The following ICA1 variants were observed in gnomAD, a reference collection of about 807,000 sequenced individuals.
ICA1 encodes 69 kDa islet cell autoantigen.
ICA1 carries 40 observed loss-of-function variants against 71.0 expected under a neutral mutation model. That is an observed-to-expected ratio of 0.56 (90% CI 0.44 to 0.73). The LOEUF is 0.73. Among genes scored for constraint, ICA1 ranks in the 30% least tolerant of loss-of-function variants. ICA1 has a pLI of 0.00. For synonymous variants in ICA1, 207 were observed against 209.5 expected (o/e 0.99, Z 0.10); for missense variants, 578 against 576.5 (o/e 1.00, Z -0.03).
At chr7:8,116,525 A>T (rs1784859177) in intron 13 of ICA1, 1 of 152,276 alleles carries the variant, frequency 6.6e-6, no homozygotes, top group Non-Finnish European at 1.5e-5. Context: ...AAAAGGTTAG[A>T]TTCTGAAAAG....
chr7:8,113,890 C>T lies in ICA1; in HGVS notation c.*33G>A, dbSNP rs200656973. 6.3e-5 allele frequency: 102 copies of T among 1,612,850 alleles called. No homozygotes were observed. Among genetic ancestry groups the T allele is most frequent in the African/African-American group, 4.5e-4 (34 of 75,030 alleles). ...TAGCCCCCAGGGGAGCTGCTGGGGG[C>T]GGCATGTGAGTGCCCTCCCGAAGGG... On this transcript the variant is annotated 3_prime_UTR_variant, in exon 14 of 14. Transcript: ENST00000402384. This position sits in a 1 kb window ranked among gnomAD's most constrained non-coding sequence, Gnocchi z 4.2.
chr7:8,118,584 C>G (rs998282624), intron 13 of ICA1, among the ~76,000 whole-genome samples: 1 of 152,082 alleles, frequency 6.6e-6, no homozygotes, highest in African/African-American at 2.4e-5. Context: ...AAAATTGGCC[C>G]CTGACCATTT....
At chr7:8,163,487 C>T (rs114698245) in intron 6 of ICA1, among the ~76,000 whole-genome samples, 2 of 152,126 alleles carry the variant, frequency 1.3e-5, no homozygotes, top group East Asian at 1.9e-4. Flanking sequence ...TGGTAGCAGT[C>T]GGCACAAATG....
chr7:8,172,941 T>C (rs747855103), intron 6 of ICA1, among the ~76,000 whole-genome samples: 2 of 152,226 alleles, frequency 1.3e-5, no homozygotes, highest in African/African-American at 4.8e-5. Context: ...TTTCATAGAT[T>C]GAGCTTCAAT....
chr7:8,206,241 C>T (rs1276502370), intron 6 of ICA1, among the ~76,000 whole-genome samples: 1 of 152,096 alleles, frequency 6.6e-6, no homozygotes, highest in Non-Finnish European at 1.5e-5. Flanking sequence ...TGGTGGATTT[C>T]CCTCAGGCAC....
intron 8 of ICA1, among the ~76,000 whole-genome samples, chr7:8,145,108 G>A (rs1234576820): frequency 6.6e-6 from 1 of 152,196 alleles, no homozygotes; most frequent in Non-Finnish European, 1.5e-5. Context: ...TCTCTGCACA[G>A]AGTAATTTTC....
intron 2 of ICA1, among the ~76,000 whole-genome samples, chr7:8,233,312 T>C (rs1800836502): frequency 6.6e-6 from 1 of 152,110 alleles, no homozygotes; most frequent in African/African-American, 2.4e-5. Flanking sequence ...GAGAAATTAC[T>C]ATTCAAGGTG....
At chr7:8,240,813 A>G (rs1331421120) in intron 1 of ICA1, among the ~76,000 whole-genome samples, 1 of 152,214 alleles carries the variant, frequency 6.6e-6, no homozygotes, top group South Asian at 2.1e-4. Context: ...AAGGGTAGGT[A>G]TCAGTGATTG....
intron 6 of ICA1, among the ~76,000 whole-genome samples, chr7:8,205,186 C>A (rs562421415): frequency 6.6e-6 from 1 of 152,026 alleles, no homozygotes; most frequent in Non-Finnish European, 1.5e-5. Flanking sequence ...AAAGCTTTAG[C>A]TGACATAGCT....
At chr7:8,153,914 G>T (rs1000867164) in intron 8 of ICA1, among the ~76,000 whole-genome samples, 2 of 149,240 alleles carry the variant, frequency 1.3e-5, no homozygotes, top group African/African-American at 4.9e-5. Context: ...ACAAGATCAG[G>T]GAATTGCTTT....
chr7:8,214,939 G>T (rs1794933516), intron 6 of ICA1, among the ~76,000 whole-genome samples: 1 of 152,182 alleles, frequency 6.6e-6, no homozygotes, highest in South Asian at 2.1e-4. Context: ...TTAAAGTGGT[G>T]CTACCACGGA....
In ICA1 at chr7:8,210,754, T is replaced by G. The variant is rs565064865; in HGVS notation, c.579+7551A>C. Among the ~76,000 whole-genome samples, 4 of 152,138 alleles carry G rather than the reference T, an allele frequency of 2.6e-5. No homozygotes were observed. In the South Asian group the frequency reaches 6.2e-4, roughly 24 times the overall value. On this transcript the variant is annotated intron_variant, in intron 6 of 13. Transcript: ENST00000402384. ...TTTTGAAACGGGGTCTCACTCTGTC[T>G]CCCAGGCTGGAGTACAGTGGCGTGA...
chr7:8,184,370 G>C (rs1274201789), intron 6 of ICA1, among the ~76,000 whole-genome samples: 3 of 152,168 alleles, frequency 2.0e-5, no homozygotes, highest in Non-Finnish European at 2.9e-5. Flanking sequence ...TGCTCCAGCT[G>C]TATCTTTTAT....
chr7:8,250,211 T>C (rs929344225), intron 1 of ICA1, among the ~76,000 whole-genome samples: 16 of 152,382 alleles, frequency 1.0e-4, no homozygotes, highest in African/African-American at 1.9e-4. Flanking sequence ...CTTCCTCTTA[T>C]GTCAATAATG....
chr7:8,129,935 C>T (rs963078932), intron 12 of ICA1, among the ~76,000 whole-genome samples: 51 of 131,352 alleles, frequency 3.9e-4, no homozygotes, highest in South Asian at 1.4e-3. Context: ...TTCCCACCTA[C>T]GAGATAGAAT....
rs948109338 is a variant in ICA1 at position 8,130,391 on chromosome 7, G to T, written c.1061-2249C>A. On this transcript the variant is annotated intron_variant, in intron 12 of 13. Coordinates refer to ENST00000402384, the MANE Select transcript of ICA1 (RefSeq NM_001136020.3). The surrounding 1 kb of genome is among the most constrained non-coding windows in gnomAD (Gnocchi z 4.2). ...AAGGAAAGCAACCTTCGCAGCTCAG[G>T]ATGTGTCCATCAACACCTGTATCTA... Among the ~76,000 whole-genome samples, 5 of 152,190 alleles carry T rather than the reference G, an allele frequency of 3.3e-5. No individual in the cohort carries two copies. Among genetic ancestry groups the T allele is most frequent in the African/African-American group, 1.2e-4 (5 of 41,442 alleles).
chr7:8,178,813 C>T (rs1368740132), intron 6 of ICA1, among the ~76,000 whole-genome samples: 3 of 152,076 alleles, frequency 2.0e-5, no homozygotes, highest in Non-Finnish European at 4.4e-5. Context: ...GATCCAGTAA[C>T]GCTTGGTGTC....
chr7:8,120,114 G>A (rs978155613), intron 13 of ICA1, among the ~76,000 whole-genome samples: 1 of 152,184 alleles, frequency 6.6e-6, no homozygotes, highest in Non-Finnish European at 1.5e-5. Context: ...TGGGAGCTAA[G>A]ATGACGGGAA....
At position 8,200,330 on chromosome 7, in the gene ICA1, C is replaced by G. The variant is rs555156941; in HGVS notation, c.579+17975G>C. Among the ~76,000 whole-genome samples, 4 of 77,568 alleles carry G rather than the reference C, an allele frequency of 5.2e-5. No homozygotes were observed. The South Asian group carries it at 2.0e-3, about 39-fold the overall frequency. 50.9% of individuals were successfully genotyped at this position (77,568 alleles called of 152,430 possible). A position where few individuals can be genotyped will look rare whatever the true frequency, so the allele number is the denominator to read the frequency against. On this transcript the variant is annotated intron_variant, in intron 6 of 13. Transcript: ENST00000402384. ...TTAAAGTCTTTGAGAACCTTTAGCACAGTTGAGCAAAAAAAAAAAAAAAAA... is the reference window on the plus strand; with the variant it reads ...TTAAAGTCTTTGAGAACCTTTAGCAGAGTTGAGCAAAAAAAAAAAAAAAAA...
Sources: allele counts gnomAD v4.1 joint callset (sites outside exome capture counted in the v4.1 genomes callset), GRCh38; gene constraint gnomAD v4.1.1; non-coding constraint Gnocchi (gnomAD v3.1); transcripts MANE v1.5; gene names NCBI Gene and HGNC (gene_info 2026-07-23, HGNC 2026-07-21).